TPP2: variants seen among roughly 807,000 people sequenced by gnomAD.
The protein encoded by TPP2 is tripeptidyl peptidase 2.
A neutral mutation model predicts 155.9 loss-of-function variants in TPP2; 34 were observed. That is an observed-to-expected ratio of 0.22 (90% CI 0.17 to 0.29). The LOEUF is 0.29. Among genes scored for constraint, TPP2 ranks in the 10% least tolerant of loss-of-function variants. The probability of loss-of-function intolerance (pLI) is 1.00; values close to 1 mark genes in which losing one functional copy is unlikely to be tolerated. For missense variants in TPP2, 1,028 were observed against 1,522.3 expected, an observed-to-expected ratio of 0.68 and a Z score of 5.40; for synonymous variants, 510 against 529.4, an observed-to-expected ratio of 0.96 and a Z score of 0.50.
chr13:102,634,406 C>G (rs985469971), intron 11 of TPP2, among the ~76,000 whole-genome samples: 3 of 152,066 alleles, frequency 2.0e-5, no homozygotes, highest in African/African-American at 7.2e-5. Context: ...TTGGGATAAA[C>G]AGACTCTGAA....
chr13:102,654,085 C>T (rs1471738664), intron 24 of TPP2, among the ~76,000 whole-genome samples: 2 of 152,192 alleles, frequency 1.3e-5, no homozygotes, highest in South Asian at 2.1e-4. Context: ...AATAAAGGTA[C>T]AAAATTATTT....
chr13:102,664,088 C>T (rs1162496668), intron 26 of TPP2, among the ~76,000 whole-genome samples: 1 of 152,226 alleles, frequency 6.6e-6, no homozygotes, highest in Non-Finnish European at 1.5e-5. Flanking sequence ...TCCTACTTTG[C>T]ATTAACTTTG....
At chr13:102,602,804 A>G (rs1396703077) in intron 1 of TPP2, among the ~76,000 whole-genome samples, 1 of 152,208 alleles carries the variant, frequency 6.6e-6, no homozygotes, top group Non-Finnish European at 1.5e-5. Context: ...TGAATTCTCC[A>G]GGTGGAATTG....
At chr13:102,667,370 A>G (rs2139600727) in intron 27 of TPP2, among the ~76,000 whole-genome samples, 1 of 152,322 alleles carries the variant, frequency 6.6e-6, no homozygotes, top group East Asian at 1.9e-4. Flanking sequence ...TTATTGAGCA[A>G]ATACTTCATG....
chr13:102,674,050 C>G (rs1219322501), intron 27 of TPP2, among the ~76,000 whole-genome samples: 7 of 152,150 alleles, frequency 4.6e-5, no homozygotes, highest in Non-Finnish European at 8.8e-5. Flanking sequence ...TCCGTTTCAA[C>G]CAGGTGCAGC....
In TPP2 at chr13:102,651,384, GA is replaced by G; in HGVS notation, c.2982del (p.Lys994AsnfsTer6). On this transcript the variant is annotated frameshift_variant, in exon 24 of 30. Transcript: ENST00000376052. LOFTEE classifies it high-confidence loss of function. ...GGGCAGTCTGCAGCAAAACGACAAG[GA>G]AAATTTAAAAAGGTACTGATTGTCA... ...KAGQSAAKRQ[G>X]KFKKDVIPVH... 1.3e-6 allele frequency: 2 copies of G among 1,581,720 alleles called. No homozygotes were observed. Among genetic ancestry groups the G allele is most frequent in the Non-Finnish European group, 1.7e-6 (2 of 1,162,882 alleles).
At chr13:102,672,433 C>G (rs1885041283) in intron 27 of TPP2, among the ~76,000 whole-genome samples, 3 of 152,278 alleles carry the variant, frequency 2.0e-5, no homozygotes, top group East Asian at 3.9e-4. Flanking sequence ...GCCGTTTGCT[C>G]TCAGGCTCCG....
chr13:102,637,234 A>T lies in TPP2; in HGVS notation c.1831A>T (p.Thr611Ser). Reference protein sequence around the residue: ...PRGLREGLHYTEVCGYDIASP... With the variant: ...PRGLREGLHYSEVCGYDIASP... ...GGGCTTAAGAGAAGGATTGCATTAT[A>T]CAGAGGTATTGATGTATCTTCATTT... The change falls in exon 14 of 30, where the codon ACA becomes TCA. Residue 611 changes from threonine to serine, a missense_variant. Thr to Ser is a moderately conservative substitution (Grantham distance 58, BLOSUM62 1). Transcript: ENST00000376052. The T allele has an allele frequency of 6.3e-7, 1 of 1,595,334 alleles. No individual in the cohort carries two copies. The highest frequency in any genetic ancestry group is 1.8e-5 in the Admixed American group (1 of 55,162).
At chr13:102,665,904 T>C (rs991993356) in intron 27 of TPP2, among the ~76,000 whole-genome samples, 1 of 152,242 alleles carries the variant, frequency 6.6e-6, no homozygotes, top group Non-Finnish European at 1.5e-5. Flanking sequence ...TAGGATCTTA[T>C]GAATCTTACA....
chr13:102,647,483 G>A (rs745727468), intron 21 of TPP2, 139 bp downstream of exon 21: 118 of 1,034,866 alleles, frequency 1.1e-4, no homozygotes, highest in Non-Finnish European at 1.5e-4. Context: ...TTTGCAAACT[G>A]TGAGAGCCTG....
chr13:102,597,723 T>C lies in TPP2; in HGVS notation c.165+520T>C, dbSNP rs1443678456. Reference sequence around the variant, plus strand: ...AGGCAACTGACATGTGAGAACTTAATGTTTAGGGATCGGGAGATTTGGTTT... The same window carrying C: ...AGGCAACTGACATGTGAGAACTTAACGTTTAGGGATCGGGAGATTTGGTTT... On this transcript the variant is annotated intron_variant, in intron 1 of 29. Transcript: ENST00000376052. Among the ~76,000 whole-genome samples the C allele has an allele frequency of 2.0e-5, 3 of 152,224 alleles. No individual in the cohort carries two copies. The East Asian group carries it at 5.8e-4, about 29-fold the overall frequency.
chr13:102,598,715 A>C (rs1456345090), intron 1 of TPP2, among the ~76,000 whole-genome samples: 1 of 152,184 alleles, frequency 6.6e-6, no homozygotes, highest in East Asian at 1.9e-4. Flanking sequence ...CAGGATAATA[A>C]GAGGGTCAGA....
At chr13:102,624,920 C>T (rs1330241796) in intron 6 of TPP2, among the ~76,000 whole-genome samples, 4 of 129,892 alleles carry the variant, frequency 3.1e-5, no homozygotes, top group South Asian at 2.4e-4. Flanking sequence ...GTACAGGTGG[C>T]ACGGTCTCGG....
Position 102,678,426 on chromosome 13 carries a change from T to C in TPP2, c.*110T>C. On this transcript the variant is annotated 3_prime_UTR_variant, in exon 30 of 30. Transcript: ENST00000376052. ...ATGCATGTTTTCATCCACTATCCAG[T>C]ACTGATTATTAAAATGACATGTATT... 1 of 803,142 alleles carries C rather than the reference T, an allele frequency of 1.2e-6. No individual in the cohort carries two copies. The highest frequency in any genetic ancestry group is 1.8e-5 in the South Asian group (1 of 55,958). The allele number at this position is 803,142 out of a possible 1,614,324, so 49.8% of individuals were successfully genotyped here.
intron 1 of TPP2, 145 bp from the exon 2 acceptor site, chr13:102,604,648 A>C: frequency 1.1e-6 from 1 of 918,708 alleles, no homozygotes; most frequent in Non-Finnish European, 1.6e-6. Context: ...GTATTTGTTC[A>C]GGCTTTTGGC....
rs149790830 is a variant in TPP2 at position 102,658,704 on chromosome 13, C to T, written c.3143+1497C>T. Among the ~76,000 whole-genome samples the T allele has an allele frequency of 2.2e-4, 34 of 152,320 alleles. No individual in the cohort carries two copies. The East Asian group carries it at 6.0e-3, about 27-fold the overall frequency. ...AAGACCACTGCCTCCCTTTCCTCTC[C>T]CAGTTAATGAGCCAGAAATTTTACT... On this transcript the variant is annotated intron_variant, in intron 25 of 29. Transcript: ENST00000376052.
intron 6 of TPP2, among the ~76,000 whole-genome samples, chr13:102,625,164 CT>C (rs71125084): frequency 3.3e-3 from 240 of 73,466 alleles, no homozygotes; most frequent in African/African-American, 0.011. Context: ...GGCCACTTAA[CT>C]TTTTTTTTTT....
At chr13:102,598,932 A>C (rs1879214128) in intron 1 of TPP2, among the ~76,000 whole-genome samples, 1 of 152,228 alleles carries the variant, frequency 6.6e-6, no homozygotes, top group South Asian at 2.1e-4. Flanking sequence ...AATGATATTT[A>C]TTCTTTTTTG....
At chr13:102,654,264 C>T (rs1883697384) in intron 24 of TPP2, among the ~76,000 whole-genome samples, 1 of 152,050 alleles carries the variant, frequency 6.6e-6, no homozygotes, top group Non-Finnish European at 1.5e-5. Flanking sequence ...AAAAAATTCC[C>T]TGTCCTGAAA....
Sources: gnomAD v4.1 joint callset for allele counts (sites outside exome capture counted in the v4.1 genomes callset) on GRCh38, gnomAD v4.1.1 for gene constraint, MANE v1.5 for transcripts, NCBI Gene and HGNC (gene_info 2026-07-23, HGNC 2026-07-21) for gene names.